PRR5L: variants seen among roughly 807,000 people sequenced by gnomAD.
PRR5L encodes the protein proline rich 5 like, also known as proline-rich protein 5-like.
A neutral mutation model predicts 36.4 loss-of-function variants in PRR5L; 21 were observed. The observed-to-expected ratio is 0.58, with a 90% confidence interval of 0.41 to 0.83. The LOEUF is 0.83. Among genes scored for constraint, PRR5L ranks in the 40% least tolerant of loss-of-function variants. The pLI, the probability that PRR5L is intolerant of heterozygous loss-of-function variation, is 0.00. For synonymous variants in PRR5L, 188 were observed against 197.0 expected, an observed-to-expected ratio of 0.95 and a Z score of 0.38; for missense variants, 381 against 473.3, an observed-to-expected ratio of 0.80 and a Z score of 1.81.
At chr11:36,336,291 C>T (rs975360104) in intron 1 of PRR5L, among the ~76,000 whole-genome samples, 2 of 152,092 alleles carry the variant, frequency 1.3e-5, no homozygotes, top group African/African-American at 4.8e-5. Context: ...TGCAGTGGCA[C>T]GATCACAGCT....
chr11:36,410,089 C>T (rs1857993227), intron 3 of PRR5L, among the ~76,000 whole-genome samples: 1 of 152,206 alleles, frequency 6.6e-6, no homozygotes, highest in South Asian at 2.1e-4. Context: ...CTGGGTGACT[C>T]TGCCTGATGA....
intron 6 of PRR5L, among the ~76,000 whole-genome samples, chr11:36,442,649 A>G (rs1277022146): frequency 1.1e-5 from 1 of 88,852 alleles, no homozygotes; most frequent in Non-Finnish European, 2.7e-5. Context: ...CTAGAAATTT[A>G]TTTTACCAGA....
At chr11:36,421,579 A>C (rs1008863036) in intron 4 of PRR5L, among the ~76,000 whole-genome samples, 1 of 152,144 alleles carries the variant, frequency 6.6e-6, no homozygotes, top group Non-Finnish European at 1.5e-5. Flanking sequence ...ATGTGGGCAC[A>C]CAGCTTTTTT....
At chr11:36,417,792 G>A (rs1036246218) in intron 3 of PRR5L, among the ~76,000 whole-genome samples, 1 of 152,156 alleles carries the variant, frequency 6.6e-6, no homozygotes, top group Non-Finnish European at 1.5e-5. Context: ...ATGAGTGAAC[G>A]TGTTTTGGGG....
At chr11:36,460,408 C>G (rs565814758) in intron 8 of PRR5L, among the ~76,000 whole-genome samples, 1 of 152,082 alleles carries the variant, frequency 6.6e-6, no homozygotes, top group African/African-American at 2.4e-5. Context: ...CCAAGTCTGC[C>G]GTTCCTTTGT....
Position 36,351,423 on chromosome 11 carries a change from T to TTATATATACA in PRR5L, c.-125-49567_-125-49566insACATATATAT, listed in dbSNP as rs1425898215. 1.1e-3 allele frequency among the ~76,000 whole-genome samples: 58 copies of TTATATATACA among 53,952 alleles called. 4 individuals are homozygous for TTATATATACA. The highest frequency in any genetic ancestry group is 4.5e-3 in the African/African-American group (58 of 12,928). The allele number at this position is 53,952 out of a possible 152,430, so 35.4% of individuals were successfully genotyped here. On this transcript the variant is annotated intron_variant, in intron 1 of 8. Transcript: ENST00000530639. ...TTTATAAATATATATGTATATATAT[T>TTATATATACA]TATATATTTATATATACATATATAT... is the stretch of plus-strand genomic sequence containing the variant.
chr11:36,315,444 G>A (rs908358451), intron 1 of PRR5L, among the ~76,000 whole-genome samples: 3 of 152,214 alleles, frequency 2.0e-5, no homozygotes, highest in African/African-American at 4.8e-5. Flanking sequence ...CAAGACAGAA[G>A]TTATTTAAGC....
chr11:36,322,565 G>A (rs929932963), intron 1 of PRR5L, among the ~76,000 whole-genome samples: 8 of 152,060 alleles, frequency 5.3e-5, no homozygotes, highest in African/African-American at 1.9e-4. Context: ...TCAAATCATT[G>A]TGCACCACCA....
intron 8 of PRR5L, among the ~76,000 whole-genome samples, chr11:36,458,855 C>A (rs977696395): frequency 6.6e-6 from 1 of 152,236 alleles, no homozygotes; most frequent in Non-Finnish European, 1.5e-5. Flanking sequence ...TACCATTGGG[C>A]CCCACTCCCT....
intron 1 of PRR5L, among the ~76,000 whole-genome samples, chr11:36,303,938 C>A (rs1391768154): frequency 6.6e-6 from 1 of 152,104 alleles, no homozygotes; most frequent in Admixed American, 6.5e-5. Context: ...GGATGTCCAG[C>A]AGGGCAGGAG....
intron 7 of PRR5L, among the ~76,000 whole-genome samples, chr11:36,447,681 C>A (rs527447623): frequency 3.9e-5 from 6 of 152,332 alleles, no homozygotes; most frequent in African/African-American, 1.4e-4. Context: ...AATCCTTCCC[C>A]CACATCCCCC....
intron 4 of PRR5L, among the ~76,000 whole-genome samples, chr11:36,420,339 A>G (rs1858237386): frequency 6.6e-6 from 1 of 152,184 alleles, no homozygotes. Flanking sequence ...GGGGGGCAGT[A>G]TAGGGTAGTG....
At chr11:36,462,305 T>C (rs544089607) in intron 8 of PRR5L, 37 bp from the exon 9 acceptor site, 185 of 1,481,640 alleles carry the variant, frequency 1.2e-4, no homozygotes, top group African/African-American at 9.5e-4. Context: ...CAATACCCCC[T>C]CCCCAATAAC....
intron 1 of PRR5L, chr11:36,362,053 A>G (rs867433032): frequency 8.3e-6 from 1 of 121,154 alleles, no homozygotes; most frequent in South Asian, 2.8e-4. Context: ...TGAGTACATA[A>G]AAGGCAAAAA....
chr11:36,321,135 T>A (rs1271083803), intron 1 of PRR5L: 1 of 152,268 alleles, frequency 6.6e-6, no homozygotes, highest in Non-Finnish European at 1.5e-5. Context: ...TATAGTAGGA[T>A]GCATTCAGTT....
intron 1 of PRR5L, chr11:36,321,722 G>C (rs1389309502): frequency 6.6e-6 from 1 of 152,220 alleles, no homozygotes; most frequent in Non-Finnish European, 1.5e-5. Context: ...CACAACAAAG[G>C]ACCACAAGCT....
chr11:36,351,595 TTATATAAATATATA>T (rs1856963612), intron 1 of PRR5L, among the ~76,000 whole-genome samples: 11 of 27,558 alleles, frequency 4.0e-4, no homozygotes, highest in African/African-American at 1.8e-3. Context: ...ATTTATATAT[TTATATAAATATATA>T]TTTATATATT....
At chr11:36,329,876 C>T (rs1377248264) in intron 1 of PRR5L, among the ~76,000 whole-genome samples, 2 of 152,188 alleles carry the variant, frequency 1.3e-5, no homozygotes, top group Admixed American at 6.5e-5. Flanking sequence ...ATCTGTAAGG[C>T]TGGGAACCCT....
intron 3 of PRR5L, among the ~76,000 whole-genome samples, chr11:36,413,925 A>C (rs1858083977): frequency 7.7e-6 from 1 of 129,264 alleles, no homozygotes; most frequent in African/African-American, 3.0e-5. Flanking sequence ...ATGTGTTCTC[A>C]TTGTTCAATT....
Sources: allele counts gnomAD v4.1 joint callset (sites outside exome capture counted in the v4.1 genomes callset), GRCh38; gene constraint gnomAD v4.1.1; transcripts MANE v1.5; gene names NCBI Gene and HGNC (gene_info 2026-07-23, HGNC 2026-07-21).